The following SH3BGR variants were observed in gnomAD, a reference collection of about 807,000 sequenced individuals.
SH3BGR encodes SH3 domain-binding glutamic acid-rich protein.
A neutral mutation model predicts 24.5 loss-of-function variants in SH3BGR; 29 were observed. The ratio of observed to expected loss-of-function variants is 1.18; its 90% CI spans 0.88 to 1.61. The LOEUF (loss-of-function observed/expected upper bound fraction) is 1.61, where lower values mean the gene tolerates loss of function less well. Among genes scored for constraint, SH3BGR ranks in the 40% most tolerant of loss-of-function variants. The probability of loss-of-function intolerance (pLI) is 0.00; values close to 1 mark genes in which losing one functional copy is unlikely to be tolerated. For synonymous variants in SH3BGR, 55 were observed against 65.7 expected, an observed-to-expected ratio of 0.84 and a Z score of 0.79; for missense variants, 162 against 205.8, an observed-to-expected ratio of 0.79 and a Z score of 1.30.
intron 4 of SH3BGR, 54 bp from the exon 5 acceptor site, chr21:39,508,943 CT>C (rs2123549399): frequency 7.2e-7 from 1 of 1,382,154 alleles, no homozygotes; most frequent in South Asian, 1.2e-5. Flanking sequence ...TCAGATTTGA[CT>C]TTAAACGTAC....
At chr21:39,489,467 A>G (rs1246037204) in intron 3 of SH3BGR, among the ~76,000 whole-genome samples, 1 of 152,148 alleles carries the variant, frequency 6.6e-6, no homozygotes, top group Non-Finnish European at 1.5e-5. Context: ...ATGGGCTTGG[A>G]GCTTGAAAGG....
chr21:39,512,202 G>A (rs1373914482), intron 6 of SH3BGR, among the ~76,000 whole-genome samples: 1 of 152,144 alleles, frequency 6.6e-6, no homozygotes, highest in Non-Finnish European at 1.5e-5. Flanking sequence ...CCAACCACAT[G>A]TACAACTTTA....
upstream of SH3BGR, chr21:39,451,731 C>A: frequency 1.3e-6 from 1 of 799,148 alleles, no homozygotes; most frequent in Non-Finnish European, 2.0e-6. Context: ...CCCTTGGCCC[C>A]AAGGCATCTC....
upstream of SH3BGR, among the ~76,000 whole-genome samples, chr21:39,451,624 C>T (rs1358401833): frequency 1.3e-5 from 2 of 152,194 alleles, no homozygotes; most frequent in South Asian, 4.1e-4. Context: ...CCAGCCTCCT[C>T]CTAGACTGAG....
chr21:39,482,724 C>A (rs1006208921), intron 3 of SH3BGR, among the ~76,000 whole-genome samples: 7 of 151,906 alleles, frequency 4.6e-5, no homozygotes, highest in Non-Finnish European at 1.0e-4. Context: ...GGCTGGAATG[C>A]GGTTGCGCAG....
intron 2 of SH3BGR, among the ~76,000 whole-genome samples, chr21:39,463,387 T>C (rs1183573350): frequency 1.3e-5 from 2 of 152,174 alleles, no homozygotes; most frequent in Admixed American, 6.5e-5. Flanking sequence ...ATAAATCAAG[T>C]CGTTGGAAAG....
intron 3 of SH3BGR, among the ~76,000 whole-genome samples, chr21:39,482,790 C>T (rs532525104): frequency 6.6e-6 from 1 of 152,152 alleles, no homozygotes; most frequent in Non-Finnish European, 1.5e-5. Context: ...GTGCCTCAGC[C>T]TCCAGAGTAG....
intron 3 of SH3BGR, among the ~76,000 whole-genome samples, chr21:39,496,529 ATTATC>A (rs2078400772): frequency 6.7e-6 from 1 of 148,206 alleles, no homozygotes; most frequent in African/African-American, 2.5e-5. Context: ...AAAAAAAAAA[ATTATC>A]TTTATTTGCA....
intron 1 of SH3BGR, among the ~76,000 whole-genome samples, chr21:39,452,998 A>G (rs1209636799): frequency 6.6e-6 from 1 of 152,186 alleles, no homozygotes; most frequent in African/African-American, 2.4e-5. Flanking sequence ...TATTAAACCC[A>G]AGAGTTAGAG....
At chr21:39,499,632 T>C (rs758320713) in intron 3 of SH3BGR, among the ~76,000 whole-genome samples, 191 bp from the exon 4 acceptor site, 1 of 152,334 alleles carries the variant, frequency 6.6e-6, no homozygotes, top group East Asian at 1.9e-4. Context: ...ATCTTTGACT[T>C]ATCCCAGTCG....
intron 6 of SH3BGR, among the ~76,000 whole-genome samples, chr21:39,514,320 TC>T (rs1196220049): frequency 6.6e-6 from 1 of 152,286 alleles, no homozygotes; most frequent in Admixed American, 6.5e-5. Flanking sequence ...AATTCTCATT[TC>T]CCATAGTTGA....
At chr21:39,453,478 T>G (rs2077607839) in intron 1 of SH3BGR, among the ~76,000 whole-genome samples, 1 of 152,224 alleles carries the variant, frequency 6.6e-6, no homozygotes, top group South Asian at 2.1e-4. Context: ...CTAAAAACTT[T>G]ACCTCTTACC....
Position 39,452,106 on chromosome 21 carries a change from A to T in SH3BGR, c.10A>T (p.Lys4Ter). The change falls in exon 1 of 7, where the codon AAA becomes TAA. Residue 4 changes from lysine to a stop codon, truncating the protein, a stop_gained. Coordinates refer to ENST00000333634, the MANE Select transcript of SH3BGR (RefSeq NM_007341.3). LOFTEE classifies it high-confidence loss of function. MVI[K>*]VFVATSSGSI... Reference sequence around the variant, plus strand: ...CTTTCCAACTGTCGAAATGGTTATCAAAGTGTTTGTTGCTACATCTTCTGG... The same window carrying T: ...CTTTCCAACTGTCGAAATGGTTATCTAAGTGTTTGTTGCTACATCTTCTGG... 2 of 1,614,102 alleles carry T rather than the reference A, an allele frequency of 1.2e-6. No individual in the cohort carries two copies. The highest frequency in any genetic ancestry group is 8.5e-7 in the Non-Finnish European group (1 of 1,179,998).
At position 39,501,568 on chromosome 21, in the gene SH3BGR, C is replaced by G. The variant is rs192356335; in HGVS notation, c.405+1653C>G. Among the ~76,000 whole-genome samples the G allele has an allele frequency of 2.0e-3, 302 of 152,266 alleles. 1 individual carries two copies. Among genetic ancestry groups the G allele is most frequent in the Admixed American group, 3.9e-3 (60 of 15,294 alleles). On this transcript the variant is annotated intron_variant, in intron 4 of 6. Transcript: ENST00000333634. ...GAATATATTACTAACATCATATTAT[C>G]AAATTTACTTTTCAACTCTTTAATG...
In SH3BGR at chr21:39,505,521, G is replaced by A. The variant is rs570925082; in HGVS notation, c.406-3477G>A. On this transcript the variant is annotated intron_variant, in intron 4 of 6. Coordinates refer to ENST00000333634, the MANE Select transcript of SH3BGR (RefSeq NM_007341.3). The stretch of plus-strand genomic sequence containing the variant: ...CTCACACCTGTATTCCCAGCACTTC[G>A]GGAGGCTGAAGCGGGTGAATCACCT... Among the ~76,000 whole-genome samples, 7 of 152,216 alleles carry A rather than the reference G, an allele frequency of 4.6e-5. No individual in the cohort carries two copies. The South Asian group carries it at 1.0e-3, about 23-fold the overall frequency.
intron 4 of SH3BGR, among the ~76,000 whole-genome samples, chr21:39,503,602 A>G (rs931386850): frequency 3.3e-5 from 5 of 152,234 alleles, no homozygotes; most frequent in African/African-American, 9.6e-5. Flanking sequence ...CTCAATGCAC[A>G]CTTGTAGGCA....
intron 1 of SH3BGR, among the ~76,000 whole-genome samples, chr21:39,457,406 TTA>T (rs1342276376): frequency 7.0e-6 from 1 of 143,816 alleles, no homozygotes; most frequent in Admixed American, 7.0e-5. Flanking sequence ...TATATAAATC[TTA>T]TATATAAGAT....
At position 39,489,650 on chromosome 21, in the gene SH3BGR, C is replaced by G. The variant is rs368223403; in HGVS notation, c.313-10173C>G. 7.9e-5 allele frequency among the ~76,000 whole-genome samples: 12 copies of G among 152,304 alleles called. No homozygotes were observed. The East Asian group carries it at 1.7e-3, about 22-fold the overall frequency. On this transcript the variant is annotated intron_variant, in intron 3 of 6. Transcript: ENST00000333634. ...GAGAAGTTTAGATACTGGCAGTCAGCCTCAACCCTGGCTGCACATTAGAAA... is the reference window on the plus strand; with the variant it reads ...GAGAAGTTTAGATACTGGCAGTCAGGCTCAACCCTGGCTGCACATTAGAAA...
chr21:39,455,596 C>A (rs1437536396), intron 1 of SH3BGR, among the ~76,000 whole-genome samples: 1 of 152,232 alleles, frequency 6.6e-6, no homozygotes, highest in East Asian at 1.9e-4. Flanking sequence ...ACAGGAGCTC[C>A]TTGATCAGGG....
Sources: allele counts gnomAD v4.1 joint callset (sites outside exome capture counted in the v4.1 genomes callset), GRCh38; gene constraint gnomAD v4.1.1; transcripts MANE v1.5; gene names NCBI Gene and HGNC (gene_info 2026-07-23, HGNC 2026-07-21).